Variants in MSR1 observed in about 807,000 individuals in gnomAD.
MSR1 encodes macrophage scavenger receptor types I and II.
In MSR1, 53 loss-of-function variants were observed where a neutral mutation model predicts 47.2. The ratio of observed to expected loss-of-function variants is 1.12; its 90% CI spans 0.90 to 1.41. MSR1 has a LOEUF of 1.41. Ranked by LOEUF, MSR1 falls within the 40% of genes most tolerant of loss-of-function variation. The pLI is 0.00. For missense variants in MSR1, 786 were observed against 546.9 expected (o/e 1.44, Z -4.36); for synonymous variants, 239 against 185.6 (o/e 1.29, Z -2.34).
rs199605910 is a variant in MSR1, at chr8:16,143,566, T to C, written c.1025A>G (p.Asn342Ser). The C allele has an allele frequency of 6.2e-7, 1 of 1,612,034 alleles. No individual in the cohort carries two copies. Among genetic ancestry groups the C allele is most frequent in the Admixed American group, 1.7e-5 (1 of 59,952 alleles). Reference protein sequence around the residue: ...KGQKGEKGSGNTLTPFTKVRL... With the variant: ...KGQKGEKGSGSTLTPFTKVRL... ...AAATACTATATACTTACTTAATGTG[T>C]TTCCACTCCCCTTTTCCCCTTTCTG... The change falls in exon 8 of 10, where the codon AAC (asparagine) becomes AGC (serine). Residue 342 changes from asparagine to serine, a missense_variant. By Grantham distance (46) the Asn-to-Ser change is conservative (BLOSUM62 1). Transcript: ENST00000262101.
At chr8:16,166,657 G>C (rs920681966) in intron 4 of MSR1, among the ~76,000 whole-genome samples, 4 of 151,816 alleles carry the variant, frequency 2.6e-5, no homozygotes, top group Admixed American at 2.6e-4. Flanking sequence ...TTTTGTAGTC[G>C]TACAGTCCTT....
intron 8 of MSR1, among the ~76,000 whole-genome samples, chr8:16,143,020 C>G (rs967820650): frequency 6.6e-6 from 1 of 152,130 alleles, no homozygotes; most frequent in East Asian, 1.9e-4. Context: ...GTGTATATTG[C>G]AACATGAGGT....
At chr8:16,151,564 A>G (rs1031470113) in intron 6 of MSR1, among the ~76,000 whole-genome samples, 3 of 152,066 alleles carry the variant, frequency 2.0e-5, no homozygotes, top group East Asian at 3.9e-4. Flanking sequence ...GAGGCAATTA[A>G]CTAATTTTCT....
chr8:16,169,720 T>C (rs911148134), intron 3 of MSR1, among the ~76,000 whole-genome samples: 1 of 151,922 alleles, frequency 6.6e-6, no homozygotes, highest in African/African-American at 2.4e-5. Context: ...AAGTACTTTT[T>C]TATATTATTT....
At position 16,158,930 on chromosome 8, in the gene MSR1, ATTT is replaced by A. The variant is rs34495946; in HGVS notation, c.818-3789_818-3787del. Among the ~76,000 whole-genome samples, 807 of 107,794 alleles carry A rather than the reference ATTT, an allele frequency of 7.5e-3. 18 individuals carry two copies. In the East Asian group the frequency reaches 0.12, roughly 15 times the overall value. 70.7% of individuals were successfully genotyped at this position (107,794 alleles called of 152,430 possible). A position where few individuals can be genotyped will look rare whatever the true frequency, so the allele number is the denominator to read the frequency against. The stretch of plus-strand genomic sequence containing the variant: ...CAATTCAGTTTTTTTCCTTTGGTTA[ATTT>A]TTTTTTTTTTTTTTTTTTCAGAGAT... On this transcript the variant is annotated intron_variant, in intron 5 of 9. Transcript: ENST00000262101.
At chr8:16,139,754 AAAAAAAAAAAAAAAAAAAAAATATAT>A (rs1800482818) in intron 8 of MSR1, 1 of 142,174 alleles carries the variant, frequency 7.0e-6, no homozygotes, top group African/African-American at 9.7e-5. Context: ...ACTTAAAAAA[AAAAAAAAAAAAAAAAAAAAAATATAT>A]ATATATATAT....
chr8:16,179,199 G>C (rs527481767), intron 1 of MSR1, among the ~76,000 whole-genome samples: 105 of 152,188 alleles, frequency 6.9e-4, no homozygotes, highest in African/African-American at 2.5e-3. Context: ...TAATTTAATA[G>C]AGTAAAAGGA....
At chr8:16,186,280 G>A (rs1801997662) in intron 1 of MSR1, 1 of 1,319,526 alleles carries the variant, frequency 7.6e-7, no homozygotes. Context: ...AGTGAGCCAG[G>A]GTCCAGTTTC....
chr8:16,169,166 A>G (rs1006869961), intron 3 of MSR1, among the ~76,000 whole-genome samples: 1 of 152,186 alleles, frequency 6.6e-6, no homozygotes, highest in African/African-American at 2.4e-5. Context: ...GGCCTTGCCA[A>G]TTAAAAAAAA....
chr8:16,140,696 T>A (rs1376128026), intron 8 of MSR1: 4 of 1,338,640 alleles, frequency 3.0e-6, no homozygotes, highest in Non-Finnish European at 3.8e-6. Context: ...GGCAGAGAAC[T>A]GAGGACTGGT....
intron 5 of MSR1, among the ~76,000 whole-genome samples, chr8:16,159,858 C>A (rs1327558516): frequency 6.6e-6 from 1 of 151,922 alleles, no homozygotes; most frequent in Non-Finnish European, 1.5e-5. Flanking sequence ...CAAGAGGTGG[C>A]ATCTTAGATG....
At chr8:16,161,032 CA>C (rs1339135143) in intron 5 of MSR1, among the ~76,000 whole-genome samples, 4 of 132,312 alleles carry the variant, frequency 3.0e-5, no homozygotes, top group Non-Finnish European at 6.2e-5. Flanking sequence ...TCTTAAATAG[CA>C]TTTTTTTTTT....
intron 4 of MSR1, among the ~76,000 whole-genome samples, chr8:16,165,995 TA>T (rs1046867725): frequency 1.2e-4 from 19 of 152,088 alleles, no homozygotes; most frequent in African/African-American, 4.6e-4. Flanking sequence ...ACCGCCATGA[TA>T]AATACACTTG....
At chr8:16,123,653 A>G (rs1027019241) in intron 8 of MSR1, among the ~76,000 whole-genome samples, 1 of 152,018 alleles carries the variant, frequency 6.6e-6, no homozygotes, top group African/African-American at 2.4e-5. Flanking sequence ...TCTACATTCA[A>G]ATCAAATAAA....
intron 3 of MSR1, among the ~76,000 whole-genome samples, chr8:16,174,634 T>C (rs1323146391): frequency 6.6e-6 from 1 of 152,128 alleles, no homozygotes; most frequent in East Asian, 1.9e-4. Context: ...TTAAATAATA[T>C]CCCTATGAAA....
chr8:16,143,201 G>A (rs1252868859), intron 8 of MSR1, among the ~76,000 whole-genome samples: 2 of 152,006 alleles, frequency 1.3e-5, no homozygotes, highest in Non-Finnish European at 2.9e-5. Flanking sequence ...TTATATTTAA[G>A]GTTTCATTTA....
intron 8 of MSR1, chr8:16,139,426 A>G (rs1459949617): frequency 1.0e-6 from 1 of 953,902 alleles, no homozygotes; most frequent in Non-Finnish European, 1.2e-6. Flanking sequence ...TTCATTATAC[A>G]AGAGTGGGAA....
intron 5 of MSR1, among the ~76,000 whole-genome samples, chr8:16,156,349 G>A (rs1801006801): frequency 6.6e-6 from 1 of 151,750 alleles, no homozygotes; most frequent in African/African-American, 2.4e-5. Context: ...AATCTAAGAG[G>A]GGGAACCACA....
intron 8 of MSR1, among the ~76,000 whole-genome samples, chr8:16,143,274 T>A (rs988872280): frequency 1.3e-5 from 2 of 152,118 alleles, no homozygotes; most frequent in East Asian, 3.9e-4. Context: ...TGGATAGAAA[T>A]TGACTTGAAA....
Sources: allele counts gnomAD v4.1 joint callset (sites outside exome capture counted in the v4.1 genomes callset), GRCh38; gene constraint gnomAD v4.1.1; transcripts MANE v1.5; gene names NCBI Gene and HGNC (gene_info 2026-07-23, HGNC 2026-07-21).